SYN3: variants seen among roughly 807,000 people sequenced by gnomAD.
The protein encoded by SYN3 is synapsin-3.
Under a neutral mutation model 65.8 loss-of-function variants are expected in SYN3, and 35 were observed. That is an observed-to-expected ratio of 0.53 (90% CI 0.41 to 0.70). The LOEUF (loss-of-function observed/expected upper bound fraction) is 0.70, where lower values mean the gene tolerates loss of function less well. Among genes scored for constraint, SYN3 ranks in the 30% least tolerant of loss-of-function variants. The pLI, the probability that SYN3 is intolerant of heterozygous loss-of-function variation, is 0.00. For synonymous variants in SYN3, 270 were observed against 292.9 expected, an observed-to-expected ratio of 0.92 and a Z score of 0.80; for missense variants, 680 against 749.0, an observed-to-expected ratio of 0.91 and a Z score of 1.08.
intron 13 of SYN3, among the ~76,000 whole-genome samples, chr22:32,516,269 A>G (rs892657452): frequency 6.6e-6 from 1 of 152,154 alleles, no homozygotes; most frequent in African/African-American, 2.4e-5. Context: ...AACTAACAAA[A>G]GTCATTTCTG....
chr22:33,033,136 A>G (rs1816226969), intron 1 of SYN3, among the ~76,000 whole-genome samples: 1 of 151,460 alleles, frequency 6.6e-6, no homozygotes, highest in African/African-American at 2.4e-5. Context: ...ACCCACCACC[A>G]CGCCCAGCTA....
At chr22:32,608,837 A>G (rs770780588) in intron 6 of SYN3, among the ~76,000 whole-genome samples, 8 of 152,204 alleles carry the variant, frequency 5.3e-5, no homozygotes, top group African/African-American at 9.6e-5. Context: ...TGTTATAGGT[A>G]TCTGGATCCT....
rs901117384 is a variant in SYN3, at chr22:32,801,185, AAG to A, written c.711+63728_711+63729del. Reference sequence around the variant, plus strand: ...AGAGTAAGAACCAGAGAGAGAGAGAAAGAGAGAGAGTTTGGGTCTTTCTCCTC... The same window carrying A: ...AGAGTAAGAACCAGAGAGAGAGAGAAAGAGAGAGTTTGGGTCTTTCTCCTC... On this transcript the variant is annotated intron_variant, in intron 6 of 13. Transcript: ENST00000358763. The surrounding 1 kb of genome is among the most constrained non-coding windows in gnomAD (Gnocchi z 4.7). 1.3e-5 allele frequency among the ~76,000 whole-genome samples: 2 copies of A among 152,116 alleles called. No individual in the cohort carries two copies. The highest frequency in any genetic ancestry group is 2.1e-4 in the South Asian group (1 of 4,826).
intron 10 of SYN3, among the ~76,000 whole-genome samples, chr22:32,530,430 C>T (rs1408865647): frequency 2.6e-5 from 4 of 152,138 alleles, no homozygotes; most frequent in African/African-American, 9.7e-5. Context: ...AACCCACGGT[C>T]CTCCCACTGC....
intron 6 of SYN3, among the ~76,000 whole-genome samples, chr22:32,835,970 T>A (rs553786309): frequency 6.6e-6 from 1 of 152,346 alleles, no homozygotes; most frequent in East Asian, 1.9e-4. Context: ...TCTTGGGAAT[T>A]TTCCCTATCT....
At chr22:32,693,305 C>G (rs76064082) in intron 6 of SYN3, among the ~76,000 whole-genome samples, 2 of 152,208 alleles carry the variant, frequency 1.3e-5, no homozygotes, top group Admixed American at 1.3e-4. Context: ...AAGTGACTCA[C>G]AGGCAGGTAG....
rs114590352 is a variant in SYN3, at chr22:33,018,211, T to C, written c.-162-11387A>G. ...TCATTTTGGTCCACAGATGTGAAAG[T>C]GGGGAGCTGGATTATGTAATTTTCA... On this transcript the variant is annotated intron_variant, in intron 1 of 13. Transcript: ENST00000358763. 7.8e-3 allele frequency among the ~76,000 whole-genome samples: 1,192 copies of C among 152,264 alleles called. 21 individuals are homozygous for C. Among genetic ancestry groups the C allele is most frequent in the African/African-American group, 0.028 (1,156 of 41,544 alleles).
At chr22:32,559,037 G>C (rs770244402) in intron 7 of SYN3, among the ~76,000 whole-genome samples, 1 of 152,210 alleles carries the variant, frequency 6.6e-6, no homozygotes, top group South Asian at 2.1e-4. Flanking sequence ...TATGTGCTTG[G>C]TGCTATTCTA....
intron 6 of SYN3, among the ~76,000 whole-genome samples, chr22:32,764,284 CAG>C (rs2045566190): frequency 6.6e-6 from 1 of 152,144 alleles, no homozygotes; most frequent in South Asian, 2.1e-4. Flanking sequence ...AACTGGCAGA[CAG>C]AGGATCAAGC....
intron 6 of SYN3, among the ~76,000 whole-genome samples, chr22:32,674,162 G>T (rs945727496): frequency 1.3e-5 from 2 of 152,188 alleles, no homozygotes; most frequent in African/African-American, 4.8e-5. Flanking sequence ...GGTCAAAGGT[G>T]ATGCCAGGTT....
chr22:33,005,963 T>C (rs758877975), intron 2 of SYN3, among the ~76,000 whole-genome samples: 1 of 152,206 alleles, frequency 6.6e-6, no homozygotes, highest in Non-Finnish European at 1.5e-5. Context: ...CTATACTCCA[T>C]ATCAAACACA....
intron 6 of SYN3, among the ~76,000 whole-genome samples, chr22:32,674,873 C>A (rs986626671): frequency 1.3e-5 from 2 of 152,150 alleles, no homozygotes; most frequent in African/African-American, 2.4e-5. Flanking sequence ...AACTTGCAGG[C>A]GCTTTATATC....
At chr22:32,691,268 C>T (rs713824) in intron 6 of SYN3, among the ~76,000 whole-genome samples, 25,185 of 151,952 alleles carry the variant, frequency 0.17, 3,181 homozygotes, top group East Asian at 0.61. Flanking sequence ...GCCAGGACAG[C>T]GCTGTGCTTG....
At chr22:32,990,395 T>G (rs374519343) in intron 2 of SYN3, among the ~76,000 whole-genome samples, 5 of 102,164 alleles carry the variant, frequency 4.9e-5, no homozygotes, top group Non-Finnish European at 6.5e-5. Context: ...CACCCATCCA[T>G]CCATCCATCC....
chr22:32,627,914 C>T (rs1423553543), intron 6 of SYN3, among the ~76,000 whole-genome samples: 3 of 152,074 alleles, frequency 2.0e-5, no homozygotes, highest in Admixed American at 1.3e-4. Context: ...CTGCAAGCTC[C>T]GCCTCCCGGG....
intron 7 of SYN3, among the ~76,000 whole-genome samples, chr22:32,543,601 G>A (rs2058292781): frequency 6.6e-6 from 1 of 152,190 alleles, no homozygotes; most frequent in Non-Finnish European, 1.5e-5. Flanking sequence ...AGTGGCGGTG[G>A]TGTGCCTCCT....
At chr22:32,730,140 G>A (rs1001458368) in intron 6 of SYN3, among the ~76,000 whole-genome samples, 5 of 152,140 alleles carry the variant, frequency 3.3e-5, no homozygotes, top group African/African-American at 7.2e-5. Context: ...CTAGTCTACC[G>A]CCCTTAGACA....
chr22:32,753,086 G>A (rs779598848), intron 6 of SYN3, among the ~76,000 whole-genome samples: 3 of 152,138 alleles, frequency 2.0e-5, no homozygotes, highest in Non-Finnish European at 4.4e-5. Flanking sequence ...GAGCCCCTCG[G>A]GGCCCCTGAG....
intron 3 of SYN3, among the ~76,000 whole-genome samples, chr22:32,953,013 G>A (rs2051337177): frequency 2.6e-5 from 4 of 152,186 alleles, no homozygotes; most frequent in Admixed American, 1.3e-4. Flanking sequence ...CTCTTAGCAA[G>A]GTGCTTAGGC....
Sources: gnomAD v4.1 joint callset for allele counts (sites outside exome capture counted in the v4.1 genomes callset) on GRCh38, gnomAD v4.1.1 for gene constraint, Gnocchi (gnomAD v3.1) non-coding constraint, MANE v1.5 for transcripts, NCBI Gene and HGNC (gene_info 2026-07-23, HGNC 2026-07-21) for gene names.